The following GMDS variants were observed in gnomAD, a reference collection of about 807,000 sequenced individuals.
GMDS encodes the protein GDP-mannose 4,6-dehydratase, also known as GDP-mannose 4,6 dehydratase.
In GMDS, 20 loss-of-function variants were observed where a neutral mutation model predicts 49.9. The ratio of observed to expected loss-of-function variants is 0.40; its 90% CI spans 0.28 to 0.58. The LOEUF (loss-of-function observed/expected upper bound fraction) is 0.58, where lower values mean the gene tolerates loss of function less well. GMDS is among the 20% of genes least tolerant of loss of function. The probability of loss-of-function intolerance (pLI) is 0.42; values close to 1 mark genes in which losing one functional copy is unlikely to be tolerated. For missense variants in GMDS, 362 were observed against 481.4 expected (o/e 0.75, Z 2.32); for synonymous variants, 177 against 178.6 (o/e 0.99, Z 0.07).
At chr6:1,822,576 G>T (rs1770944336) in intron 7 of GMDS, among the ~76,000 whole-genome samples, 1 of 152,082 alleles carries the variant, frequency 6.6e-6, no homozygotes, top group African/African-American at 2.4e-5. Context: ...AGCAAAATTA[G>T]AAAATTACTT....
intron 4 of GMDS, among the ~76,000 whole-genome samples, chr6:1,965,073 GT>G (rs1764188855): frequency 1.2e-5 from 1 of 81,474 alleles, no homozygotes; most frequent in East Asian, 4.0e-4. Flanking sequence ...GTCTATCGTT[GT>G]TCCAGGTCTT....
chr6:1,821,935 G>A (rs1335096102), intron 7 of GMDS, among the ~76,000 whole-genome samples: 1 of 152,030 alleles, frequency 6.6e-6, no homozygotes, highest in African/African-American at 2.4e-5. Flanking sequence ...GTGTGTCGTG[G>A]TAACGTTTGC....
intron 9 of GMDS, among the ~76,000 whole-genome samples, chr6:1,688,730 C>G (rs1240651448): frequency 6.6e-6 from 1 of 152,212 alleles, no homozygotes; most frequent in African/African-American, 2.4e-5. Context: ...AGATGGGATA[C>G]AGTAGCTATT....
chr6:1,827,153 GCACACA>G (rs549906355), intron 7 of GMDS, among the ~76,000 whole-genome samples: 1 of 130,654 alleles, frequency 7.7e-6, no homozygotes, highest in East Asian at 2.2e-4. Flanking sequence ...ATATATATAT[GCACACA>G]CACACACACA....
At chr6:2,185,018 C>CT (rs1778716304) in intron 1 of GMDS, among the ~76,000 whole-genome samples, 1 of 152,198 alleles carries the variant, frequency 6.6e-6, no homozygotes, top group Admixed American at 6.5e-5. Context: ...GACAAGATCC[C>CT]TGCACTCACA....
intron 7 of GMDS, among the ~76,000 whole-genome samples, chr6:1,912,951 C>T (rs1015132056): frequency 6.6e-6 from 1 of 152,194 alleles, no homozygotes; most frequent in Admixed American, 6.5e-5. Flanking sequence ...TGAGACTGAC[C>T]TTACCTCTGC....
intron 4 of GMDS, among the ~76,000 whole-genome samples, chr6:2,074,146 A>G (rs1772178162): frequency 6.6e-6 from 1 of 152,150 alleles, no homozygotes; most frequent in Non-Finnish European, 1.5e-5. Context: ...AGTGTACAAG[A>G]GTTCCCTTTC....
At chr6:2,099,143 G>A (rs553973250) in intron 4 of GMDS, among the ~76,000 whole-genome samples, 1 of 151,988 alleles carries the variant, frequency 6.6e-6, no homozygotes, top group African/African-American at 2.4e-5. Flanking sequence ...CTCTCATTTA[G>A]CATACATTTA....
At chr6:1,987,946 G>A (rs944750113) in intron 4 of GMDS, among the ~76,000 whole-genome samples, 8 of 152,254 alleles carry the variant, frequency 5.3e-5, no homozygotes, top group Admixed American at 3.3e-4. Flanking sequence ...TAAGGAGCTT[G>A]CTTATGGTCA....
intron 7 of GMDS, among the ~76,000 whole-genome samples, chr6:1,819,538 A>G (rs912431909): frequency 6.6e-6 from 1 of 152,008 alleles, no homozygotes; most frequent in Admixed American, 6.6e-5. Context: ...AGGTGGGTGG[A>G]TCACTTGAGG....
intron 9 of GMDS, among the ~76,000 whole-genome samples, chr6:1,681,130 A>G (rs1764772200): frequency 6.6e-6 from 1 of 152,094 alleles, no homozygotes; most frequent in South Asian, 2.1e-4. Context: ...ACACACACTT[A>G]CAGATACACA....
At chr6:1,705,318 C>G (rs1234980946) in intron 9 of GMDS, among the ~76,000 whole-genome samples, 2 of 152,190 alleles carry the variant, frequency 1.3e-5, no homozygotes, top group Non-Finnish European at 2.9e-5. Context: ...GGGCACAAAA[C>G]ACACAGGTGG....
At chr6:2,092,134 A>G (rs1429842014) in intron 4 of GMDS, among the ~76,000 whole-genome samples, 1 of 152,138 alleles carries the variant, frequency 6.6e-6, no homozygotes, top group African/African-American at 2.4e-5. Flanking sequence ...ATGGAGAGAG[A>G]CTTTCAACTA....
At chr6:2,178,201 G>A (rs1778369362) in intron 1 of GMDS, among the ~76,000 whole-genome samples, 1 of 152,182 alleles carries the variant, frequency 6.6e-6, no homozygotes, top group East Asian at 1.9e-4. Flanking sequence ...GTCCATTCTT[G>A]CACTGCTATA....
intron 6 of GMDS, chr6:1,949,025 C>T: frequency 2.1e-6 from 2 of 951,074 alleles, no homozygotes; most frequent in Non-Finnish European, 2.5e-6. Context: ...ACAGCAATCC[C>T]ACTAACAGAG....
At chr6:1,664,442 G>A (rs1009889453) in intron 9 of GMDS, among the ~76,000 whole-genome samples, 1 of 152,210 alleles carries the variant, frequency 6.6e-6, no homozygotes, top group Non-Finnish European at 1.5e-5. Context: ...GGGAGACCGT[G>A]AGTATTCTCT....
chr6:2,119,961 ATTAT>A (rs1343578736), intron 2 of GMDS, among the ~76,000 whole-genome samples: 12 of 152,214 alleles, frequency 7.9e-5, no homozygotes, highest in African/African-American at 2.9e-4. Context: ...GAAATGCTTT[ATTAT>A]TTATTAATTA....
In GMDS at chr6:1,647,628, T is replaced by TA. The variant is rs1331917584; in HGVS notation, c.988-23089dup. ...GACACATATGCCAGTAACTGCCATGTAGTGTGACAAGACACTGACTTAGTT... is the reference window on the plus strand; with the variant it reads ...GACACATATGCCAGTAACTGCCATGTAAGTGTGACAAGACACTGACTTAGTT... On this transcript the variant is annotated intron_variant, in intron 9 of 10. Transcript: ENST00000380815. Among the ~76,000 whole-genome samples the TA allele has an allele frequency of 3.3e-5, 5 of 152,190 alleles. No homozygotes were observed. The East Asian group carries it at 9.6e-4, about 29-fold the overall frequency.
chr6:2,074,666 A>C (rs766973542), intron 4 of GMDS, among the ~76,000 whole-genome samples: 39 of 152,124 alleles, frequency 2.6e-4, no homozygotes, highest in Non-Finnish European at 4.4e-4. Context: ...TCTTTTAAAA[A>C]ATTAATTATT....
Sources: gnomAD v4.1 joint callset for allele counts (sites outside exome capture counted in the v4.1 genomes callset) on GRCh38, gnomAD v4.1.1 for gene constraint, MANE v1.5 for transcripts, NCBI Gene and HGNC (gene_info 2026-07-23, HGNC 2026-07-21) for gene names.